The following CFAP299 variants were observed in gnomAD, a reference collection of about 807,000 sequenced individuals.
CFAP299 encodes the protein cilia and flagella associated protein 299.
In CFAP299, 21 loss-of-function variants were observed where a neutral mutation model predicts 27.0. That is an observed-to-expected ratio of 0.78 (90% CI 0.55 to 1.12). The LOEUF (loss-of-function observed/expected upper bound fraction) is 1.12. Among genes scored for constraint, CFAP299 ranks in the 50% most tolerant of loss-of-function variants. CFAP299 has a pLI of 0.00. For missense variants in CFAP299, 310 were observed against 276.6 expected (o/e 1.12, Z -0.86); for synonymous variants, 104 against 98.1 (o/e 1.06, Z -0.36).
chr4:80,959,796 G>A (rs774610316), intron 5 of CFAP299, among the ~76,000 whole-genome samples: 1 of 151,722 alleles, frequency 6.6e-6, no homozygotes, highest in Non-Finnish European at 1.5e-5. Context: ...CTATACTTAA[G>A]ATCCAATTAT....
At chr4:80,807,389 A>G (rs544904633) in intron 3 of CFAP299, among the ~76,000 whole-genome samples, 1 of 152,264 alleles carries the variant, frequency 6.6e-6, no homozygotes, top group African/African-American at 2.4e-5. Flanking sequence ...ATCTGCTGGC[A>G]GTGAAGGAAT....
intron 3 of CFAP299, among the ~76,000 whole-genome samples, chr4:80,687,846 C>T (rs1030803394): frequency 2.6e-5 from 4 of 152,102 alleles, no homozygotes; most frequent in Admixed American, 6.5e-5. Flanking sequence ...GTGCGCAAGC[C>T]GAAGCAGGGC....
At chr4:80,690,549 T>C (rs1021660454) in intron 3 of CFAP299, among the ~76,000 whole-genome samples, 3 of 151,264 alleles carry the variant, frequency 2.0e-5, no homozygotes, top group African/African-American at 7.3e-5. Context: ...AAGCAGTGTG[T>C]AGAGGGAAAT....
At chr4:80,916,254 TATATATATATATA>T (rs1308492722) in intron 4 of CFAP299, among the ~76,000 whole-genome samples, 2 of 37,772 alleles carry the variant, frequency 5.3e-5, no homozygotes, top group Non-Finnish European at 8.4e-5. Flanking sequence ...TAGACTGAAA[TATATATATATATA>T]TATATATATA....
intron 1 of CFAP299, among the ~76,000 whole-genome samples, chr4:80,337,939 G>C (rs187479880): frequency 6.6e-6 from 1 of 152,214 alleles, no homozygotes; most frequent in African/African-American, 2.4e-5. Flanking sequence ...TATTTCTAGA[G>C]ATCTACATTC....
chr4:80,908,444 A>G (rs1314628899), intron 4 of CFAP299, among the ~76,000 whole-genome samples: 1 of 152,222 alleles, frequency 6.6e-6, no homozygotes. Flanking sequence ...ATATTGATTT[A>G]GCATGACATT....
intron 3 of CFAP299, among the ~76,000 whole-genome samples, chr4:80,834,261 G>C (rs1730446002): frequency 6.6e-6 from 1 of 152,164 alleles, no homozygotes; most frequent in South Asian, 2.1e-4. Flanking sequence ...AAGATTCCAT[G>C]TGAGACAGAG....
At chr4:80,450,197 C>T (rs959251887) in intron 2 of CFAP299, among the ~76,000 whole-genome samples, 1 of 152,010 alleles carries the variant, frequency 6.6e-6, no homozygotes, top group Non-Finnish European at 1.5e-5. Flanking sequence ...CATATAACTG[C>T]GAACTGTTAA....
chr4:80,374,026 T>G (rs1391121649), intron 2 of CFAP299, among the ~76,000 whole-genome samples: 3 of 152,210 alleles, frequency 2.0e-5, no homozygotes, highest in Admixed American at 2.0e-4. Context: ...TCTTCAAAAG[T>G]CTCTCTCTGA....
At chr4:80,644,802 CA>C (rs1358629489) in intron 3 of CFAP299, among the ~76,000 whole-genome samples, 1 of 152,080 alleles carries the variant, frequency 6.6e-6, no homozygotes, top group Non-Finnish European at 1.5e-5. Flanking sequence ...CCTGCCCTTA[CA>C]AGGCAATATT....
intron 2 of CFAP299, among the ~76,000 whole-genome samples, chr4:80,556,969 T>C (rs1281547442): frequency 6.6e-6 from 1 of 152,104 alleles, no homozygotes; most frequent in Non-Finnish European, 1.5e-5. Context: ...TTTCACCTTT[T>C]GTATGGTATA....
intron 1 of CFAP299, among the ~76,000 whole-genome samples, chr4:80,360,110 A>G (rs1237373750): frequency 6.6e-6 from 1 of 152,188 alleles, no homozygotes; most frequent in South Asian, 2.1e-4. Flanking sequence ...CTTAACTGCC[A>G]ACTCCTGGAC....
At chr4:80,558,426 C>T in intron 2 of CFAP299, among the ~76,000 whole-genome samples, 1 of 144,318 alleles carries the variant, frequency 6.9e-6, no homozygotes, top group African/African-American at 2.7e-5. Context: ...TAGTGGCAAG[C>T]AAAACCAACC....
chr4:80,732,068 CAG>C (rs200837663), intron 3 of CFAP299, among the ~76,000 whole-genome samples: 2,540 of 128,036 alleles, frequency 0.02, 64 homozygotes, highest in African/African-American at 0.078. Flanking sequence ...CACAGACACA[CAG>C]ACACACACAC....
intron 3 of CFAP299, among the ~76,000 whole-genome samples, chr4:80,834,753 G>A (rs2110134002): frequency 6.6e-6 from 1 of 152,236 alleles, no homozygotes; most frequent in Admixed American, 6.5e-5. Flanking sequence ...TTCACATATA[G>A]CAGGATCCAA....
intron 3 of CFAP299, among the ~76,000 whole-genome samples, chr4:80,786,340 T>C (rs147748830): frequency 6.8e-4 from 103 of 152,186 alleles, no homozygotes; most frequent in Admixed American, 1.4e-3. Context: ...TTTGGCTATT[T>C]GATGTAGCAG....
chr4:80,425,239 C>T (rs1469368177), intron 2 of CFAP299, among the ~76,000 whole-genome samples: 1 of 152,136 alleles, frequency 6.6e-6, no homozygotes, highest in Non-Finnish European at 1.5e-5. Flanking sequence ...TAACCTCTTG[C>T]AAGGCCTACC....
intron 3 of CFAP299, among the ~76,000 whole-genome samples, chr4:80,735,461 C>A (rs1407129165): frequency 6.6e-6 from 1 of 152,086 alleles, no homozygotes; most frequent in Non-Finnish European, 1.5e-5. Context: ...CTAGCTAGAA[C>A]TTCCAGTACT....
At chr4:80,443,816 A>C (rs529802153) in intron 2 of CFAP299, among the ~76,000 whole-genome samples, 1 of 152,322 alleles carries the variant, frequency 6.6e-6, no homozygotes, top group East Asian at 1.9e-4. Flanking sequence ...TTAAGCTGAT[A>C]AACAACTGCA....
Sources: gnomAD v4.1 joint callset for allele counts (sites outside exome capture counted in the v4.1 genomes callset) on GRCh38, gnomAD v4.1.1 for gene constraint, MANE v1.5 for transcripts, NCBI Gene and HGNC (gene_info 2026-07-23, HGNC 2026-07-21) for gene names.